Variants in ARFGEF1 observed in about 807,000 individuals in gnomAD.
ARFGEF1 encodes ARF guanine nucleotide exchange factor 1, also known as brefeldin A-inhibited guanine nucleotide-exchange protein 1.
Under a neutral mutation model 231.0 loss-of-function variants are expected in ARFGEF1, and 42 were observed. The observed-to-expected ratio is 0.18, with a 90% CI of 0.14 to 0.24. ARFGEF1 has a LOEUF of 0.24. ARFGEF1 is among the 10% of genes least tolerant of loss of function. The pLI is 1.00. For synonymous variants in ARFGEF1, 710 were observed against 732.3 expected (o/e 0.97, Z 0.49); for missense variants, 1,345 against 2,192.0 (o/e 0.61, Z 7.72).
intron 27 of ARFGEF1, 65 bp from the exon 28 acceptor site, chr8:67,226,248 A>G: frequency 7.6e-7 from 1 of 1,313,542 alleles, no homozygotes; most frequent in Non-Finnish European, 1.0e-6. Context: ...CCAAAAATAC[A>G]CCAACATCTA....
intron 7 of ARFGEF1, among the ~76,000 whole-genome samples, chr8:67,286,967 G>T (rs1156847817): frequency 6.6e-6 from 1 of 152,118 alleles, no homozygotes; most frequent in Non-Finnish European, 1.5e-5. Context: ...TATCTTCCAA[G>T]ATGATTCAAC....
At chr8:67,275,398 G>A (rs890319273) in intron 9 of ARFGEF1, among the ~76,000 whole-genome samples, 1 of 152,078 alleles carries the variant, frequency 6.6e-6, no homozygotes, top group African/African-American at 2.4e-5. Context: ...AATTAGACAA[G>A]TGGCTCCTAA....
intron 1 of ARFGEF1, among the ~76,000 whole-genome samples, chr8:67,327,696 A>G (rs1274928030): frequency 6.6e-6 from 1 of 152,224 alleles, no homozygotes; most frequent in East Asian, 1.9e-4. Context: ...GTTACTTGGT[A>G]TGATTATATT....
rs1286312012 is a variant in ARFGEF1, at chr8:67,244,623, C to A, written c.2851-4333G>T. Among the ~76,000 whole-genome samples the A allele has an allele frequency of 2.0e-5, 3 of 149,152 alleles. 1 individual carries two copies. The highest frequency in any genetic ancestry group is 1.3e-4 in the Admixed American group (2 of 14,870). On this transcript the variant is annotated intron_variant, in intron 19 of 38. Coordinates refer to ENST00000262215, the MANE Select transcript of ARFGEF1 (RefSeq NM_006421.5). Reference sequence around the variant, plus strand: ...CCCCATAAGTCTCTTAATAGCAGAACTGATCAAGCAGAAGAAAGAATTAGT... The same window carrying A: ...CCCCATAAGTCTCTTAATAGCAGAAATGATCAAGCAGAAGAAAGAATTAGT...
chr8:67,251,266 C>T (rs2128884805), intron 19 of ARFGEF1, 33 bp downstream of exon 19: 2 of 1,553,136 alleles, frequency 1.3e-6, no homozygotes, highest in Non-Finnish European at 1.7e-6. Flanking sequence ...TATAAATGTA[C>T]ACTGCAATCA....
At chr8:67,323,957 C>T (rs952574698) in intron 1 of ARFGEF1, among the ~76,000 whole-genome samples, 3 of 152,204 alleles carry the variant, frequency 2.0e-5, no homozygotes, top group South Asian at 2.1e-4. Flanking sequence ...CCTGCCACTA[C>T]GCCTGGCTGA....
At chr8:67,222,088 C>T (rs957941536) in intron 29 of ARFGEF1, among the ~76,000 whole-genome samples, 1 of 149,570 alleles carries the variant, frequency 6.7e-6, no homozygotes, top group South Asian at 2.1e-4. Context: ...GCTGGGATTA[C>T]AGGCGTGAGC....
At chr8:67,289,549 C>CAAAAAAAAAAAAAAAA (rs552601455) in intron 6 of ARFGEF1, among the ~76,000 whole-genome samples, 1 of 44,846 alleles carries the variant, frequency 2.2e-5, no homozygotes, top group African/African-American at 7.1e-5. Context: ...ACTCTGTATC[C>CAAAAAAAAAAAAAAAA]AAAAAAAAAA....
chr8:67,329,043 T>C (rs1807972214), intron 1 of ARFGEF1, among the ~76,000 whole-genome samples: 1 of 151,962 alleles, frequency 6.6e-6, no homozygotes, highest in Non-Finnish European at 1.5e-5. Context: ...CTGGCCAACA[T>C]GGTGAAACCC....
chr8:67,216,020 T>A (rs1838916450), intron 33 of ARFGEF1, among the ~76,000 whole-genome samples: 1 of 152,214 alleles, frequency 6.6e-6, no homozygotes. Context: ...ATCATTTTGT[T>A]CTATGTCCTA....
intron 1 of ARFGEF1, among the ~76,000 whole-genome samples, chr8:67,305,147 A>C (rs1806680089): frequency 6.6e-6 from 1 of 152,222 alleles, no homozygotes; most frequent in Admixed American, 6.5e-5. Context: ...AAATATCACT[A>C]AATAACTGTG....
intron 27 of ARFGEF1, among the ~76,000 whole-genome samples, chr8:67,226,761 A>G (rs925679097): frequency 5.3e-5 from 8 of 152,062 alleles, no homozygotes; most frequent in African/African-American, 1.9e-4. Context: ...ACTGGTCAAA[A>G]ATAAAGGCTT....
chr8:67,218,207 A>AAAT (rs1491555936), intron 30 of ARFGEF1, 69 bp from the exon 31 acceptor site: 1,203 of 91,340 alleles, frequency 0.013, 20 homozygotes, highest in Non-Finnish European at 0.018. Context: ...AAAAAAAAAA[A>AAAT]ATATATATAT....
chr8:67,316,914 T>C (rs1201662785), intron 1 of ARFGEF1, among the ~76,000 whole-genome samples: 1 of 152,194 alleles, frequency 6.6e-6, no homozygotes, highest in South Asian at 2.1e-4. Flanking sequence ...AGACCAACTA[T>C]GTGAGTAAAG....
At chr8:67,323,563 A>G (rs931054172) in intron 1 of ARFGEF1, among the ~76,000 whole-genome samples, 2 of 152,088 alleles carry the variant, frequency 1.3e-5, no homozygotes, top group Non-Finnish European at 2.9e-5. Flanking sequence ...TCATACTGCC[A>G]TTTTTGGTGA....
intron 19 of ARFGEF1, among the ~76,000 whole-genome samples, chr8:67,246,423 G>A (rs974477637): frequency 2.0e-5 from 3 of 150,108 alleles, no homozygotes; most frequent in Non-Finnish European, 4.4e-5. Flanking sequence ...CTGGTACAAC[G>A]GAATAAAACT....
intron 5 of ARFGEF1, among the ~76,000 whole-genome samples, chr8:67,180,336 A>G (rs187430298): frequency 6.6e-5 from 10 of 152,358 alleles, no homozygotes; most frequent in Non-Finnish European, 1.3e-4. Context: ...GACAATCCCA[A>G]TAAGTTACAT....
chr8:67,226,549 G>A (rs1325984081), intron 27 of ARFGEF1, among the ~76,000 whole-genome samples: 10 of 152,150 alleles, frequency 6.6e-5, no homozygotes, highest in Middle Eastern at 3.4e-3. Flanking sequence ...TAAGCACTAC[G>A]TAAAATAATA....
intron 15 of ARFGEF1, among the ~76,000 whole-genome samples, chr8:67,258,710 T>C (rs145481774): frequency 6.6e-6 from 1 of 152,228 alleles, no homozygotes; most frequent in Non-Finnish European, 1.5e-5. Flanking sequence ...GACTTTTGAT[T>C]ATAGAGTTAA....
Sources: gnomAD v4.1 joint callset for allele counts (sites outside exome capture counted in the v4.1 genomes callset) on GRCh38, gnomAD v4.1.1 for gene constraint, MANE v1.5 for transcripts, NCBI Gene and HGNC (gene_info 2026-07-23, HGNC 2026-07-21) for gene names.